Variants in SMARCAD1 observed in about 807,000 individuals in gnomAD.
SMARCAD1 encodes the protein SNF2 related chromatin remodeling ATPase with DExD box 1.
Under a neutral mutation model 127.1 loss-of-function variants are expected in SMARCAD1, and 25 were observed. The observed-to-expected ratio is 0.20, with a 90% CI of 0.14 to 0.27. SMARCAD1 has a LOEUF of 0.27. Ranked by LOEUF, SMARCAD1 falls within the 10% of genes least tolerant of loss-of-function variation. The probability of loss-of-function intolerance (pLI) is 1.00; values close to 1 mark genes in which losing one functional copy is unlikely to be tolerated. For missense variants in SMARCAD1, 807 were observed against 1,206.0 expected (o/e 0.67, Z 4.90); for synonymous variants, 400 against 396.9 (o/e 1.01, Z -0.09).
chr4:94,212,012 A>G (rs1275129661), intron 2 of SMARCAD1, among the ~76,000 whole-genome samples: 1 of 152,146 alleles, frequency 6.6e-6, no homozygotes, highest in Non-Finnish European at 1.5e-5. Flanking sequence ...TTGTTAGAAC[A>G]TATGATTCAT....
chr4:94,281,287 T>C (rs1579350572), intron 20 of SMARCAD1, among the ~76,000 whole-genome samples, 185 bp from the exon 21 acceptor site: 1 of 152,212 alleles, frequency 6.6e-6, no homozygotes, highest in Non-Finnish European at 1.5e-5. Flanking sequence ...TATTCATATA[T>C]AGGCTGCAAT....
intron 2 of SMARCAD1, among the ~76,000 whole-genome samples, chr4:94,223,635 C>G (rs1193407725): frequency 1.3e-5 from 2 of 151,106 alleles, no homozygotes; most frequent in South Asian, 2.1e-4. Context: ...GTGGCACGAT[C>G]CTGGCTCACT....
At chr4:94,252,105 C>T (rs879941642) in intron 8 of SMARCAD1, among the ~76,000 whole-genome samples, 7 of 152,226 alleles carry the variant, frequency 4.6e-5, no homozygotes, top group South Asian at 2.1e-4. Flanking sequence ...CCGCGTCGGC[C>T]TCCCAAAGTG....
chr4:94,219,566 A>G (rs900619630), intron 2 of SMARCAD1, among the ~76,000 whole-genome samples: 3 of 152,124 alleles, frequency 2.0e-5, no homozygotes, highest in African/African-American at 7.2e-5. Flanking sequence ...GTCTTCTTTT[A>G]TGCATACCAC....
chr4:94,246,427 CAATCTT>C (rs1399825594), intron 6 of SMARCAD1, among the ~76,000 whole-genome samples: 3 of 152,094 alleles, frequency 2.0e-5, no homozygotes, highest in African/African-American at 4.8e-5. Context: ...CCATAACTGA[CAATCTT>C]AAGAGGTATT....
intron 9 of SMARCAD1, among the ~76,000 whole-genome samples, chr4:94,259,186 A>T (rs1750579962): frequency 6.6e-6 from 1 of 152,214 alleles, no homozygotes; most frequent in South Asian, 2.1e-4. Context: ...AAGGGTCAAT[A>T]TGATGGTGGA....
chr4:94,226,389 T>A, intron 3 of SMARCAD1, 93 bp downstream of exon 3: 15 of 636,144 alleles, frequency 2.4e-5, no homozygotes, highest in Non-Finnish European at 3.5e-5. Context: ...GTGACTTCCC[T>A]TTTTTTTTTT....
rs144362581 is a variant in SMARCAD1 at position 94,250,440 on chromosome 4, C to T, written c.808-312C>T. Among the ~76,000 whole-genome samples, 3 of 152,154 alleles carry T rather than the reference C, an allele frequency of 2.0e-5. No individual in the cohort carries two copies. In the East Asian group the frequency reaches 5.8e-4, roughly 29 times the overall value. ...TTTTGAAGTTAGCAGTTTGTAAAAG[C>T]CTAGCTGCATATTGAAATTTCATTT... On this transcript the variant is annotated intron_variant, in intron 7 of 23. Coordinates refer to ENST00000354268, the MANE Select transcript of SMARCAD1 (RefSeq NM_020159.5).
chr4:94,251,531 A>C (rs1297107857), intron 8 of SMARCAD1, among the ~76,000 whole-genome samples: 4 of 152,230 alleles, frequency 2.6e-5, no homozygotes, highest in Non-Finnish European at 5.9e-5. Flanking sequence ...GAAAGCCACC[A>C]AATATGAGTT....
At chr4:94,236,599 GCA>G (rs571475515) in intron 4 of SMARCAD1, among the ~76,000 whole-genome samples, 199 of 152,154 alleles carry the variant, frequency 1.3e-3, no homozygotes, top group African/African-American at 4.5e-3. Context: ...ACGTGAGCAT[GCA>G]CACACAGGCA....
chr4:94,279,351 G>T (rs1274265230), intron 19 of SMARCAD1, among the ~76,000 whole-genome samples: 1 of 152,060 alleles, frequency 6.6e-6, no homozygotes, highest in East Asian at 1.9e-4. Flanking sequence ...TGTTGCCCAG[G>T]CTGGTCTTGA....
In SMARCAD1 at chr4:94,290,072, A is replaced by G. The variant is rs1280888168; in HGVS notation, c.*538A>G. 2.2e-6 allele frequency: 1 copy of G among 454,486 alleles called. No individual in the cohort carries two copies. The highest frequency in any genetic ancestry group is 1.6e-5 in the South Asian group (1 of 64,478). The allele number at this position is 454,486 out of a possible 1,614,324, so 28.2% of individuals were successfully genotyped here. ...GTTCACCAATGTCAGCAAGAACTCA[A>G]CCTGAATTTAAAGGTGGCATTCCAT... On this transcript the variant is annotated 3_prime_UTR_variant, in exon 24 of 24. Transcript: ENST00000354268.
intron 21 of SMARCAD1, among the ~76,000 whole-genome samples, chr4:94,282,701 G>GTT (rs879794435): frequency 7.0e-6 from 1 of 143,200 alleles, no homozygotes; most frequent in African/African-American, 2.6e-5. Context: ...TAAAAGTAAT[G>GTT]TTTTTTTTTT....
At chr4:94,225,996 G>A in intron 2 of SMARCAD1, 123 bp from the exon 3 acceptor site, 2 of 861,556 alleles carry the variant, frequency 2.3e-6, no homozygotes, top group East Asian at 2.7e-5. Context: ...AAAGTGGTGA[G>A]AATTTTGATT....
intron 2 of SMARCAD1, chr4:94,213,156 T>C (rs1187633397): frequency 4.7e-5 from 58 of 1,236,860 alleles, no homozygotes; most frequent in Non-Finnish European, 4.4e-5. Flanking sequence ...GAAAATGGTA[T>C]GTAAATATAT....
intron 14 of SMARCAD1, among the ~76,000 whole-genome samples, 155 bp from the exon 15 acceptor site, chr4:94,276,184 T>C (rs115516781): frequency 0.011 from 1,722 of 152,284 alleles, 35 homozygotes; most frequent in African/African-American, 0.039. Flanking sequence ...AGTACGTCAG[T>C]ATTTATTTGA....
intron 2 of SMARCAD1, among the ~76,000 whole-genome samples, chr4:94,212,365 G>A (rs1311469123): frequency 1.3e-5 from 2 of 151,858 alleles, no homozygotes; most frequent in African/African-American, 2.4e-5. Context: ...TGTAGAGACG[G>A]CATTTCGCTA....
rs183544140 is a variant in SMARCAD1 at position 94,247,713 on chromosome 4, G to A, written c.706-1941G>A. Among the ~76,000 whole-genome samples, 999 of 152,028 alleles carry A rather than the reference G, an allele frequency of 6.6e-3. 5 individuals are homozygous for A. Among genetic ancestry groups the A allele is most frequent in the Middle Eastern group, 0.054 (16 of 294 alleles). On this transcript the variant is annotated intron_variant, in intron 6 of 23. Transcript: ENST00000354268. ...CTCCTCCCCCTAACCCCTGGCAACC[G>A]CCAATCTGCCTTCAGTCTCTGGATT... is the stretch of plus-strand genomic sequence containing the variant.
intron 9 of SMARCAD1, among the ~76,000 whole-genome samples, chr4:94,258,951 C>A (rs1211546568): frequency 1.3e-5 from 2 of 152,118 alleles, no homozygotes; most frequent in Non-Finnish European, 2.9e-5. Flanking sequence ...ATCAAACTTT[C>A]TAAAATCAAA....
Sources: allele counts gnomAD v4.1 joint callset (sites outside exome capture counted in the v4.1 genomes callset), GRCh38; gene constraint gnomAD v4.1.1; transcripts MANE v1.5; gene names NCBI Gene and HGNC (gene_info 2026-07-23, HGNC 2026-07-21).